Variants in KDM4C observed in about 807,000 individuals in gnomAD.
The protein encoded by KDM4C is lysine demethylase 4C, also known as lysine-specific demethylase 4C.
A neutral mutation model predicts 129.3 loss-of-function variants in KDM4C; 81 were observed. The observed-to-expected ratio is 0.63, with a 90% CI of 0.52 to 0.75. The LOEUF is 0.75. Ranked by LOEUF, KDM4C falls within the 30% of genes least tolerant of loss-of-function variation. The probability of loss-of-function intolerance (pLI) is 0.00; values close to 1 mark genes in which losing one functional copy is unlikely to be tolerated. For synonymous variants in KDM4C, 573 were observed against 456.1 expected, an observed-to-expected ratio of 1.26 and a Z score of -3.26; for missense variants, 1,457 against 1,304.0, an observed-to-expected ratio of 1.12 and a Z score of -1.81.
Position 6,905,314 on chromosome 9 carries a change from A to G in KDM4C, c.921+12082A>G, listed in dbSNP as rs538189805. Among the ~76,000 whole-genome samples the G allele has an allele frequency of 7.6e-4, 115 of 152,304 alleles. 1 individual carries two copies. The highest frequency in any genetic ancestry group is 2.6e-3 in the African/African-American group (109 of 41,570). On this transcript the variant is annotated intron_variant, in intron 8 of 21. Coordinates refer to ENST00000381309, the MANE Select transcript of KDM4C (RefSeq NM_015061.6). ...GAAGAAACACTTCTAAACCCTGATTAGCCCTTGTATGAAACTCTTCTCGGT... is the reference window on the plus strand; with the variant it reads ...GAAGAAACACTTCTAAACCCTGATTGGCCCTTGTATGAAACTCTTCTCGGT...
At chr9:6,987,766 C>T (rs1395933596) in intron 11 of KDM4C, among the ~76,000 whole-genome samples, 1 of 151,980 alleles carries the variant, frequency 6.6e-6, no homozygotes, top group Non-Finnish European at 1.5e-5. Flanking sequence ...ATTATAAACA[C>T]ATCAAAAATA....
intron 8 of KDM4C, among the ~76,000 whole-genome samples, chr9:6,934,411 C>T (rs1824345490): frequency 2.0e-5 from 3 of 149,980 alleles, no homozygotes; most frequent in South Asian, 2.1e-4. Context: ...ACCCGGGAGG[C>T]GGAGCTTGCG....
At chr9:7,037,223 T>C (rs1040799452) in intron 15 of KDM4C, among the ~76,000 whole-genome samples, 2 of 152,190 alleles carry the variant, frequency 1.3e-5, no homozygotes, top group Admixed American at 1.3e-4. Context: ...AATGAGGGTG[T>C]GTTTGTGGGG....
At chr9:7,024,268 CTT>C (rs1825396004) in intron 15 of KDM4C, among the ~76,000 whole-genome samples, 1 of 122,754 alleles carries the variant, frequency 8.1e-6, no homozygotes, top group African/African-American at 3.0e-5. Flanking sequence ...GTCTATCTCT[CTT>C]TTTATCTCTA....
intron 19 of KDM4C, among the ~76,000 whole-genome samples, chr9:7,157,208 C>G (rs1372073081): frequency 6.6e-6 from 1 of 152,076 alleles, no homozygotes; most frequent in African/African-American, 2.4e-5. Context: ...GATTTTGTAT[C>G]CTGAGACTTT....
At chr9:7,086,418 A>G (rs1696387759) in intron 17 of KDM4C, among the ~76,000 whole-genome samples, 1 of 152,136 alleles carries the variant, frequency 6.6e-6, no homozygotes. Context: ...AATCATCCAC[A>G]CTTTATGCTG....
In KDM4C at chr9:6,741,124, A is replaced by G. The variant is rs567813424; in HGVS notation, c.49+20127A>G. 7.2e-5 allele frequency among the ~76,000 whole-genome samples: 11 copies of G among 152,184 alleles called. No homozygotes were observed. The East Asian group carries it at 1.4e-3, about 19-fold the overall frequency. On this transcript the variant is annotated intron_variant, in intron 1 of 17. Coordinates refer to the KDM4C transcript ENST00000536108. ...ATATTTTTAAAAACTCAGGCCAGGC[A>G]CAGTGGCTCACACCTGTAATCCCAG...
intron 17 of KDM4C, among the ~76,000 whole-genome samples, chr9:7,083,163 G>C (rs983474978): frequency 6.6e-6 from 1 of 152,148 alleles, no homozygotes; most frequent in East Asian, 1.9e-4. Flanking sequence ...TTGAGGTTGA[G>C]TATCTCTTAT....
chr9:7,158,111 C>G (rs549099512), intron 19 of KDM4C, among the ~76,000 whole-genome samples: 2 of 152,148 alleles, frequency 1.3e-5, no homozygotes, highest in African/African-American at 4.8e-5. Flanking sequence ...GGAATTTATC[C>G]ATTTCTTCTA....
rs1016538392 is a variant in KDM4C at position 6,742,293 on chromosome 9, G to T, written c.49+21296G>T. ...CCCCCCAGAGTGCTGGAATGCAGTG[G>T]GCAATACATTATCTTTCCCTGGCTA... On this transcript the variant is annotated intron_variant, in intron 1 of 17. Transcript: ENST00000536108. Among the ~76,000 whole-genome samples, 26 of 152,138 alleles carry T rather than the reference G, an allele frequency of 1.7e-4. 1 individual carries two copies. Among genetic ancestry groups the T allele is most frequent in the Admixed American group, 2.6e-4 (4 of 15,256 alleles).
intron 5 of KDM4C, among the ~76,000 whole-genome samples, chr9:6,870,967 C>A (rs1257558665): frequency 1.3e-5 from 2 of 152,134 alleles, no homozygotes; most frequent in African/African-American, 4.8e-5. Context: ...GTGCTGCAGC[C>A]CCTGTTGGTG....
chr9:6,929,121 C>G (rs991073589), intron 8 of KDM4C, among the ~76,000 whole-genome samples: 9 of 152,186 alleles, frequency 5.9e-5, no homozygotes, highest in African/African-American at 1.9e-4. Context: ...TCTCCTCACC[C>G]TCAGCTAGAA....
chr9:6,749,986 CAAAAAAAAAAAAAAAA>C (rs57999664), intron 1 of KDM4C, among the ~76,000 whole-genome samples: 1 of 55,604 alleles, frequency 1.8e-5, no homozygotes, highest in East Asian at 4.2e-4. Flanking sequence ...AACTCCTTCT[CAAAAAAAAAAAAAAAA>C]AAAAAAAAAA....
At chr9:6,993,838 G>A (rs919461101) in intron 12 of KDM4C, among the ~76,000 whole-genome samples, 7 of 152,228 alleles carry the variant, frequency 4.6e-5, no homozygotes, top group African/African-American at 9.6e-5. Flanking sequence ...AAATGCTTCA[G>A]TACAGGTTAA....
chr9:6,964,198 T>C (rs1830504443), intron 8 of KDM4C, among the ~76,000 whole-genome samples: 1 of 152,192 alleles, frequency 6.6e-6, no homozygotes, highest in African/African-American at 2.4e-5. Context: ...CATTAACTCA[T>C]CATTTACATT....
chr9:6,848,511 T>C (rs1049916755), intron 4 of KDM4C, among the ~76,000 whole-genome samples: 1 of 151,956 alleles, frequency 6.6e-6, no homozygotes, highest in Non-Finnish European at 1.5e-5. Flanking sequence ...CTACTCAAAA[T>C]ACGAAACATT....
chr9:7,023,150 C>T (rs774810055), intron 15 of KDM4C, among the ~76,000 whole-genome samples: 1 of 152,106 alleles, frequency 6.6e-6, no homozygotes, highest in Non-Finnish European at 1.5e-5. Flanking sequence ...GTAATACTGG[C>T]CTCACGGAGT....
At chr9:6,764,019 A>G (rs1161993954) in intron 1 of KDM4C, among the ~76,000 whole-genome samples, 1 of 152,184 alleles carries the variant, frequency 6.6e-6, no homozygotes, top group Non-Finnish European at 1.5e-5. Flanking sequence ...TCGGCCTCCC[A>G]AAGTGCTGGG....
chr9:6,781,485 G>C (rs1824329419), intron 1 of KDM4C, among the ~76,000 whole-genome samples: 1 of 151,982 alleles, frequency 6.6e-6, no homozygotes, highest in Non-Finnish European at 1.5e-5. Context: ...CCAACCTTAT[G>C]TAACATGAAT....
Sources: gnomAD v4.1 joint callset for allele counts (sites outside exome capture counted in the v4.1 genomes callset) on GRCh38, gnomAD v4.1.1 for gene constraint, MANE v1.5 for transcripts, NCBI Gene and HGNC (gene_info 2026-07-23, HGNC 2026-07-21) for gene names.